The following CACTIN variants were observed in gnomAD, a reference collection of about 807,000 sequenced individuals.
The protein encoded by CACTIN is cactin, spliceosome C complex subunit, also known as splicing factor Cactin.
A neutral mutation model predicts 84.9 loss-of-function variants in CACTIN; 20 were observed. The observed-to-expected ratio is 0.24, with a 90% CI of 0.17 to 0.34. The LOEUF is 0.34. Ranked by LOEUF, CACTIN falls within the 10% of genes least tolerant of loss-of-function variation. The pLI is 1.00. For missense variants in CACTIN, 897 were observed against 1,117.2 expected (o/e 0.80, Z 2.81); for synonymous variants, 549 against 467.9 (o/e 1.17, Z -2.24).
chr19:3,613,034 C>G (rs1311593008), intron 9 of CACTIN, 24 bp downstream of exon 9: 3 of 1,490,656 alleles, frequency 2.0e-6, no homozygotes, highest in Non-Finnish European at 2.7e-6. Flanking sequence ...GGCCCCACCC[C>G]CTGGCCTCCA....
chr19:3,611,789 GAA>G lies in CACTIN; in HGVS notation c.*132_*133del. The G allele has an allele frequency of 1.7e-6, 2 of 1,164,432 alleles. No homozygotes were observed. The highest frequency in any genetic ancestry group is 2.5e-6 in the Non-Finnish European group (2 of 807,646). The allele number at this position is 1,164,432 out of a possible 1,614,324, so 72.1% of individuals were successfully genotyped here. A position where few individuals can be genotyped will look rare whatever the true frequency, so the allele number is the denominator to read the frequency against. On this transcript the variant is annotated 3_prime_UTR_variant, in exon 10 of 10. Transcript: ENST00000429344. ...AGGAGGAAACTGAGGCCTGGCGAAA[GAA>G]AGATGCGGCCTGAGGTGGGACGTGA...
chr19:3,619,981 G>A (rs184958312), intron 4 of CACTIN, 146 bp downstream of exon 4: 13 of 961,872 alleles, frequency 1.4e-5, no homozygotes, highest in African/African-American at 1.1e-4. Context: ...AAGCCTTGCC[G>A]CCCGGGAAGG....
In CACTIN at chr19:3,614,609, T is replaced by TG. The variant is rs757269633; in HGVS notation, c.1163-21dup. The TG allele has an allele frequency of 1.7e-5, 27 of 1,577,500 alleles. 1 individual carries two copies. The highest frequency in any genetic ancestry group is 1.3e-4 in the South Asian group (11 of 86,630). On this transcript the variant is annotated intron_variant, in intron 6 of 9. Coordinates refer to ENST00000429344, the MANE Select transcript of CACTIN (RefSeq NM_001080543.2). ...GCTCACCTGCAGCGGGGTGGGGGCATGGGGGGGCGGTTCCACATTTCCTAC... is the reference window on the plus strand; with the variant it reads ...GCTCACCTGCAGCGGGGTGGGGGCATGGGGGGGGCGGTTCCACATTTCCTAC...
intron 6 of CACTIN, among the ~76,000 whole-genome samples, chr19:3,617,551 G>A (rs2024132): frequency 0.5 from 76,290 of 151,602 alleles, 20,062 homozygotes; most frequent in Admixed American, 0.58. Context: ...GCCTAGGGCA[G>A]TGGGGCACGC....
At chr19:3,621,450 T>C (rs937409321) in intron 2 of CACTIN, among the ~76,000 whole-genome samples, 2 of 152,164 alleles carry the variant, frequency 1.3e-5, no homozygotes, top group African/African-American at 4.8e-5. Context: ...CCCGTCGCCA[T>C]GAGGGGGTTC....
rs1355135089 is a variant in CACTIN at position 3,614,434 on chromosome 19, G to A, written c.1318C>T (p.Leu440Phe). 2.5e-6 allele frequency: 4 copies of A among 1,592,250 alleles called. No individual in the cohort carries two copies. Reference sequence around the variant, plus strand: ...ATGTGGGCACGAAGCTGCTGCAGGAGGCTCTCCCAGTAGCCCATGTCCAGG... The same window carrying A: ...ATGTGGGCACGAAGCTGCTGCAGGAAGCTCTCCCAGTAGCCCATGTCCAGG... ...PNLDMGYWESLLQQLRAHMAR... is the reference protein window; with the variant it reads ...PNLDMGYWESFLQQLRAHMAR... Residue 440 changes from leucine to phenylalanine, a missense_variant, in exon 7 of 10, where the codon CTC (leucine) becomes TTC (phenylalanine). Leu to Phe is a conservative substitution (Grantham distance 22). Transcript: ENST00000429344.
chr19:3,619,020 G>A, intron 5 of CACTIN, 31 bp from the exon 6 acceptor site: 1 of 1,550,174 alleles, frequency 6.5e-7, no homozygotes, highest in African/African-American at 1.4e-5. Context: ...TCAGGACACG[G>A]GTGTGGCTGG....
At position 3,614,669 on chromosome 19, in the gene CACTIN, C is replaced by T. The variant is rs558437854; in HGVS notation, c.1163-80G>A. Reference sequence around the variant, plus strand: ...CACCCCATCAGGGCCTCCTCCCCTGCCATGGGGGGGTCCCCCTCCCCTCCT... The same window carrying T: ...CACCCCATCAGGGCCTCCTCCCCTGTCATGGGGGGGTCCCCCTCCCCTCCT... On this transcript the variant is annotated intron_variant, in intron 6 of 9. Coordinates refer to ENST00000429344, the MANE Select transcript of CACTIN (RefSeq NM_001080543.2). The T allele has an allele frequency of 2.4e-4, 278 of 1,152,996 alleles. 1 individual carries two copies. In the African/African-American group the frequency reaches 3.8e-3, roughly 16 times the overall value. The allele number at this position is 1,152,996 out of a possible 1,614,324, so 71.4% of individuals were successfully genotyped here. A position where few individuals can be genotyped will look rare whatever the true frequency, so the allele number is the denominator to read the frequency against.
intron 6 of CACTIN, 51 bp downstream of exon 6, chr19:3,618,824 C>A: frequency 7.2e-7 from 1 of 1,391,832 alleles, no homozygotes; most frequent in Non-Finnish European, 9.9e-7. Flanking sequence ...TCTGGGTGAA[C>A]ACTGTAGCCC....
In CACTIN at chr19:3,626,701, C is replaced by G. The variant is rs2033345135; in HGVS notation, c.62G>C (p.Ser21Thr). Reference protein sequence around the residue: ...SAGRRGRRRQSQSGSRSRSRS... With the variant: ...SAGRRGRRRQTQSGSRSRSRS... Reference sequence around the variant, plus strand: ...GCTCCGACTTCGGCTCCCGCTCTGACTCTGCCGCCTTCGGCCCCGGCGACC... The same window carrying G: ...GCTCCGACTTCGGCTCCCGCTCTGAGTCTGCCGCCTTCGGCCCCGGCGACC... Residue 21 changes from serine (S) to threonine (T), a missense_variant, in exon 1 of 10, where the codon AGT becomes ACT. By Grantham distance (58) the Ser-to-Thr change is moderately conservative (BLOSUM62 1). Transcript: ENST00000429344. The G allele has an allele frequency of 6.6e-7, 1 of 1,509,028 alleles. No homozygotes were observed. Among genetic ancestry groups the G allele is most frequent in the African/African-American group, 1.4e-5 (1 of 69,282 alleles). 93.5% of individuals were successfully genotyped at this position (1,509,028 alleles called of 1,614,324 possible).
rs2145314388 is a variant in CACTIN at position 3,613,297 on chromosome 19, T to TCGGCCTCCGCGGGGC, written c.1532_1546dup (p.Gly511_Ala515dup). The TCGGCCTCCGCGGGGC allele has an allele frequency of 6.3e-7, 1 of 1,597,606 alleles. No homozygotes were observed. Among genetic ancestry groups the TCGGCCTCCGCGGGGC allele is most frequent in the Non-Finnish European group, 8.5e-7 (1 of 1,175,622 alleles). Reference sequence around the variant, plus strand: ...CTCTGTCGGGGTCGCGCCGTCCACCTCGGCCTCCGCGGGGCCGCCCTCCGA... The same window carrying TCGGCCTCCGCGGGGC: ...CTCTGTCGGGGTCGCGCCGTCCACCTCGGCCTCCGCGGGGCCGGCCTCCGCGGGGCCGCCCTCCGA... On this transcript the variant is annotated inframe_insertion, in exon 9 of 10. Coordinates refer to ENST00000429344, the MANE Select transcript of CACTIN (RefSeq NM_001080543.2).
At chr19:3,618,327 G>A (rs1172698606) in intron 6 of CACTIN, among the ~76,000 whole-genome samples, 1 of 152,150 alleles carries the variant, frequency 6.6e-6, no homozygotes, top group Non-Finnish European at 1.5e-5. Flanking sequence ...TGTCCAGGAC[G>A]GCCCCACCCT....
chr19:3,625,976 GTC>G (rs1415522261), intron 1 of CACTIN, among the ~76,000 whole-genome samples: 1 of 152,198 alleles, frequency 6.6e-6, no homozygotes, highest in African/African-American at 2.4e-5. Context: ...TCAGCTGTGA[GTC>G]CTGCCAGCTG....
rs148707448 is a variant in CACTIN, at chr19:3,620,088, C to G, written c.884+39G>C. On this transcript the variant is annotated intron_variant, in intron 4 of 9. Coordinates refer to ENST00000429344, the MANE Select transcript of CACTIN (RefSeq NM_001080543.2). ...TGACAGCCAGTGCCCGGCCCTGGCT[C>G]CAAGTCTGGGTCGGAGGGAGGGGGA... 1,009 of 1,603,666 alleles carry G rather than the reference C, an allele frequency of 6.3e-4. 8 individuals are homozygous for G. The African/African-American group carries it at 0.01, about 16-fold the overall frequency.
chr19:3,623,002 G>A (rs1217434756), intron 2 of CACTIN, among the ~76,000 whole-genome samples: 3 of 152,112 alleles, frequency 2.0e-5, no homozygotes, highest in East Asian at 1.9e-4. Flanking sequence ...CTGGGAGGCC[G>A]AGGTGGGAAA....
chr19:3,614,301 G>C, intron 7 of CACTIN, 96 bp downstream of exon 7: 3 of 1,242,476 alleles, frequency 2.4e-6, no homozygotes, highest in South Asian at 1.3e-5. Flanking sequence ...CATGGTCCCA[G>C]GAGGAGGCGA....
Position 3,610,764 on chromosome 19 carries a change from T to C in CACTIN, c.*1159A>G. ...CTTTTTAGAGAAACAAACGGAACTATTTCCAGATGAGGCGGGGTGTCTGGG... is the reference window on the plus strand; with the variant it reads ...CTTTTTAGAGAAACAAACGGAACTACTTCCAGATGAGGCGGGGTGTCTGGG... On this transcript the variant is annotated 3_prime_UTR_variant, in exon 10 of 10. Transcript: ENST00000429344. 2.2e-6 allele frequency: 1 copy of C among 457,090 alleles called. No homozygotes were observed. Among genetic ancestry groups the C allele is most frequent in the Non-Finnish European group, 4.4e-6 (1 of 227,050 alleles). 28.3% of individuals were successfully genotyped at this position (457,090 alleles called of 1,614,324 possible). A position where few individuals can be genotyped will look rare whatever the true frequency, so the allele number is the denominator to read the frequency against.
chr19:3,613,994 G>A (rs1287963218), intron 7 of CACTIN: 3 of 428,020 alleles, frequency 7.0e-6, no homozygotes, highest in East Asian at 4.4e-5. Context: ...TACACAGCCA[G>A]AGGCCGGGAG....
At chr19:3,613,627 G>A in intron 7 of CACTIN, 41 bp from the exon 8 acceptor site, 1 of 1,568,208 alleles carries the variant, frequency 6.4e-7, no homozygotes, top group South Asian at 1.1e-5. Context: ...GAGGCGAAGG[G>A]GCTCCGCGCC....
Sources: gnomAD v4.1 joint callset for allele counts (sites outside exome capture counted in the v4.1 genomes callset) on GRCh38, gnomAD v4.1.1 for gene constraint, MANE v1.5 for transcripts, NCBI Gene and HGNC (gene_info 2026-07-23, HGNC 2026-07-21) for gene names.